ZFP62: variants seen among roughly 807,000 people sequenced by gnomAD.
The protein encoded by ZFP62 is ZFP62 zinc finger protein, also known as zinc finger protein 62 homolog.
Under a neutral mutation model 56.4 loss-of-function variants are expected in ZFP62, and 44 were observed. That is an observed-to-expected ratio of 0.78 (90% CI 0.61 to 1.00). The LOEUF (loss-of-function observed/expected upper bound fraction) is 1.00. Among genes scored for constraint, ZFP62 ranks in the 50% least tolerant of loss-of-function variants. The pLI is 0.00. For missense variants in ZFP62, 1,030 were observed against 1,085.7 expected (o/e 0.95, Z 0.72); for synonymous variants, 421 against 388.9 (o/e 1.08, Z -0.97).
At chr5:180,854,293 C>T (rs996561047) in intron 1 of ZFP62, among the ~76,000 whole-genome samples, 3 of 152,204 alleles carry the variant, frequency 2.0e-5, no homozygotes, top group South Asian at 4.1e-4. Context: ...GTTCAAGCAC[C>T]GTAATAACTA....
At chr5:180,838,893 A>G in the ZFP62 span, among the ~76,000 whole-genome samples, 1 of 152,370 alleles carries the variant, frequency 6.6e-6, no homozygotes, top group South Asian at 2.1e-4. Context: ...TTTAAAAGCA[A>G]ATCTTAACTC....
rs747170293 is a variant in ZFP62, at chr5:180,851,003, A to T, written c.492T>A (p.Thr164=). The change falls in exon 2 of 2, where the codon ACT becomes ACA. Residue 164 remains threonine, a synonymous_variant. Coordinates refer to ENST00000502412, the MANE Select transcript of ZFP62 (RefSeq NM_001172638.2). ...CATCACATTCATAGCGCTTTTCCCC[A>T]GTGTGCATAATTTTATGTTGAACAA... ...SRLVQHKIMH[T]GEKRYECDDC... 1.2e-5 allele frequency: 18 copies of T among 1,551,740 alleles called. No individual in the cohort carries two copies. In the South Asian group the frequency reaches 2.1e-4, roughly 18 times the overall value.
intron 1 of ZFP62, among the ~76,000 whole-genome samples, chr5:180,856,986 C>T (rs1200811443): frequency 8.6e-6 from 1 of 116,920 alleles, no homozygotes; most frequent in African/African-American, 3.6e-5. Flanking sequence ...AAAGCAAATA[C>T]AGGACATGGA....
chr5:180,840,863 A>G, the ZFP62 span, among the ~76,000 whole-genome samples: 1 of 152,054 alleles, frequency 6.6e-6, no homozygotes, highest in Non-Finnish European at 1.5e-5. Flanking sequence ...AGGAATAAAT[A>G]AAAATGTTAG....
downstream of ZFP62, among the ~76,000 whole-genome samples, chr5:180,845,111 T>C (rs564207942): frequency 9.5e-4 from 145 of 151,978 alleles, no homozygotes; most frequent in Admixed American, 3.9e-3. Flanking sequence ...GCTGGGCAGA[T>C]TACTTGAGGT....
At chr5:180,833,263 G>A in the ZFP62 span, among the ~76,000 whole-genome samples, 1 of 151,928 alleles carries the variant, frequency 6.6e-6, no homozygotes, top group African/African-American at 2.4e-5. Context: ...GGCGGATCAC[G>A]AGGTCAAGAG....
chr5:180,838,013 C>T, the ZFP62 span, among the ~76,000 whole-genome samples: 3 of 152,274 alleles, frequency 2.0e-5, no homozygotes, highest in East Asian at 5.8e-4. Flanking sequence ...GATGTTGACT[C>T]TCCTTTAAAC....
chr5:180,840,315 T>G, the ZFP62 span, among the ~76,000 whole-genome samples: 1 of 152,086 alleles, frequency 6.6e-6, no homozygotes, highest in Non-Finnish European at 1.5e-5. Context: ...GTTGAGGAGC[T>G]GGGGATGGGG....
At chr5:180,847,050 C>A (rs917013418), downstream of ZFP62, among the ~76,000 whole-genome samples, 19 of 152,148 alleles carry the variant, frequency 1.2e-4, no homozygotes, top group Non-Finnish European at 2.5e-4. Context: ...CAAAGTGAAA[C>A]AAATATACTC....
chr5:180,837,198 C>T, the ZFP62 span, among the ~76,000 whole-genome samples: 1 of 152,318 alleles, frequency 6.6e-6, no homozygotes, highest in African/African-American at 2.4e-5. Flanking sequence ...GGCCATGAAA[C>T]GAGACCACCG....
chr5:180,828,927 T>C, the ZFP62 span, among the ~76,000 whole-genome samples: 2 of 152,214 alleles, frequency 1.3e-5, no homozygotes, highest in South Asian at 2.1e-4. Flanking sequence ...GGTCTATAAA[T>C]GGCTGCTCTG....
At chr5:180,844,658 C>G (rs1219616144), downstream of ZFP62, among the ~76,000 whole-genome samples, 1 of 152,196 alleles carries the variant, frequency 6.6e-6, no homozygotes, top group African/African-American at 2.4e-5. Context: ...CAGCTGGAGG[C>G]TCCTCCTGCT....
rs1475319930 is a variant in ZFP62 at position 180,851,182 on chromosome 5, T to A, written c.313A>T (p.Thr105Ser). The A allele has an allele frequency of 1.3e-6, 2 of 1,551,714 alleles. No individual in the cohort carries two copies. Among genetic ancestry groups the A allele is most frequent in the Non-Finnish European group, 1.7e-6 (2 of 1,146,984 alleles). Reference sequence around the variant, plus strand: ...CTGCCTCTCTGTCCTATAGGCATAGTCTGGTGTGTGATATGCTGTGGGCTC... The same window carrying A: ...CTGCCTCTCTGTCCTATAGGCATAGACTGGTGTGTGATATGCTGTGGGCTC... ...HLSPQHITHQTMPIGQRGSEQ... is the reference protein window; with the variant it reads ...HLSPQHITHQSMPIGQRGSEQ... Residue 105 changes from threonine to serine, a missense_variant, in exon 2 of 2, where the codon ACT becomes TCT. Coordinates refer to ENST00000502412, the MANE Select transcript of ZFP62 (RefSeq NM_001172638.2).
chr5:180,855,192 C>T (rs917027108), intron 1 of ZFP62, among the ~76,000 whole-genome samples: 3 of 152,196 alleles, frequency 2.0e-5, no homozygotes, highest in Non-Finnish European at 4.4e-5. Context: ...ATGTTAACTG[C>T]AGGTAAATCT....
At chr5:180,830,951 G>A in the ZFP62 span, 3 of 152,320 alleles carry the variant, frequency 2.0e-5, no homozygotes, top group Non-Finnish European at 4.4e-5. Context: ...TAGGGCGGGC[G>A]ACGTGATCAG....
chr5:180,841,503 GAAA>G, the ZFP62 span, among the ~76,000 whole-genome samples: 8 of 152,080 alleles, frequency 5.3e-5, no homozygotes, highest in Non-Finnish European at 1.2e-4. Flanking sequence ...TGTGGGCTGT[GAAA>G]GGATTCTGTA....
chr5:180,847,841 CTTTAGCTT>C lies in ZFP62; in HGVS notation c.*943_*950del, dbSNP rs1773466206. 1 of 985,414 alleles carries C rather than the reference CTTTAGCTT, an allele frequency of 1.0e-6. No individual in the cohort carries two copies. The highest frequency in any genetic ancestry group is 1.2e-6 in the Non-Finnish European group (1 of 829,924). The allele number at this position is 985,414 out of a possible 1,614,324, so 61.0% of individuals were successfully genotyped here. A position where few individuals can be genotyped will look rare whatever the true frequency, so the allele number is the denominator to read the frequency against. On this transcript the variant is annotated 3_prime_UTR_variant, in exon 2 of 2. Transcript: ENST00000502412. Reference sequence around the variant, plus strand: ...TTTCCTTCTCTCTAGATGACTGGTACTTTAGCTTTTTAGCTTCTGCAATAAAATGCGTT... The same window carrying C: ...TTTCCTTCTCTCTAGATGACTGGTACTTTAGCTTCTGCAATAAAATGCGTT...
At chr5:180,846,685 G>A (rs780725483), downstream of ZFP62, among the ~76,000 whole-genome samples, 8 of 152,280 alleles carry the variant, frequency 5.3e-5, no homozygotes, top group East Asian at 3.9e-4. Context: ...GGTCCTAGTC[G>A]CTGTCCTCTG....
At chr5:180,852,144 G>T (rs561475386) in intron 1 of ZFP62, 1 of 426,990 alleles carries the variant, frequency 2.3e-6, no homozygotes, top group African/African-American at 2.2e-5. Flanking sequence ...AATAGAACAG[G>T]AAGTCCAGAC....
Sources: gnomAD v4.1 joint callset for allele counts (sites outside exome capture counted in the v4.1 genomes callset) on GRCh38, gnomAD v4.1.1 for gene constraint, MANE v1.5 for transcripts, NCBI Gene and HGNC (gene_info 2026-07-23, HGNC 2026-07-21) for gene names.